The following YAF2 variants were observed in gnomAD, a reference collection of about 807,000 sequenced individuals.
The protein encoded by YAF2 is YY1 associated factor 2.
YAF2 carries 7 observed loss-of-function variants against 20.1 expected under a neutral mutation model. That is an observed-to-expected ratio of 0.35 (90% CI 0.20 to 0.65). The LOEUF is 0.65. Ranked by LOEUF, YAF2 falls within the 30% of genes least tolerant of loss-of-function variation. The pLI, the probability that YAF2 is intolerant of heterozygous loss-of-function variation, is 0.69. For missense variants in YAF2, 151 were observed against 219.2 expected, an observed-to-expected ratio of 0.69 and a Z score of 1.96; for synonymous variants, 74 against 76.0, an observed-to-expected ratio of 0.97 and a Z score of 0.14.
intron 2 of YAF2, among the ~76,000 whole-genome samples, chr12:42,186,901 A>C (rs917867944): frequency 1.3e-5 from 2 of 152,130 alleles, no homozygotes; most frequent in African/African-American, 4.8e-5. Flanking sequence ...AATATTCAGA[A>C]TTATCTGAGC....
At chr12:42,231,119 T>G (rs2067971827) in intron 2 of YAF2, 1 of 152,156 alleles carries the variant, frequency 6.6e-6, no homozygotes, top group African/African-American at 2.4e-5. Context: ...TTGTTTTTTG[T>G]TTTTCTTAAT....
intron 2 of YAF2, among the ~76,000 whole-genome samples, chr12:42,196,806 G>A (rs1295534123): frequency 6.6e-6 from 1 of 152,114 alleles, no homozygotes; most frequent in Non-Finnish European, 1.5e-5. Flanking sequence ...CATGGTGCAG[G>A]CTAACATTGA....
intron 2 of YAF2, among the ~76,000 whole-genome samples, chr12:42,170,622 C>A (rs969382356): frequency 1.3e-5 from 2 of 152,058 alleles, no homozygotes; most frequent in African/African-American, 4.8e-5. Flanking sequence ...CCTGCCTGGG[C>A]AATATGGTGA....
chr12:42,206,556 C>T (rs1457723150), intron 2 of YAF2, among the ~76,000 whole-genome samples: 1 of 151,456 alleles, frequency 6.6e-6, no homozygotes, highest in Non-Finnish European at 1.5e-5. Flanking sequence ...TTGAAGTGAG[C>T]CGAGATAGCG....
At chr12:42,219,188 A>T (rs1213667913) in intron 2 of YAF2, among the ~76,000 whole-genome samples, 2 of 152,246 alleles carry the variant, frequency 1.3e-5, no homozygotes, top group Non-Finnish European at 2.9e-5. Context: ...GCTTGCTCCC[A>T]CTGAGCCAAT....
intron 2 of YAF2, among the ~76,000 whole-genome samples, chr12:42,208,480 C>G (rs1285861103): frequency 2.0e-5 from 3 of 151,856 alleles, no homozygotes; most frequent in African/African-American, 7.3e-5. Flanking sequence ...TTAAAAATAG[C>G]AATACAACCT....
chr12:42,162,423 GGCTTC>G (rs2136950805), intron 2 of YAF2, among the ~76,000 whole-genome samples: 1 of 152,226 alleles, frequency 6.6e-6, no homozygotes, highest in Non-Finnish European at 1.5e-5. Flanking sequence ...AATGTTGCCT[GGCTTC>G]AACATCTGAT....
chr12:42,217,965 G>A (rs563312463), intron 2 of YAF2, among the ~76,000 whole-genome samples: 2 of 152,032 alleles, frequency 1.3e-5, no homozygotes, highest in Non-Finnish European at 2.9e-5. Flanking sequence ...TGGCACAGTG[G>A]CCTAAAAAAG....
chr12:42,171,891 G>A (rs2066059909), intron 2 of YAF2, among the ~76,000 whole-genome samples: 1 of 152,160 alleles, frequency 6.6e-6, no homozygotes, highest in Non-Finnish European at 1.5e-5. Flanking sequence ...CTGAACCTGG[G>A]AGGTTGAGGC....
intron 2 of YAF2, among the ~76,000 whole-genome samples, chr12:42,217,326 C>A (rs1565644871): frequency 6.6e-6 from 1 of 152,118 alleles, no homozygotes. Context: ...TACACTTTTA[C>A]TCTGATAATA....
intron 2 of YAF2, among the ~76,000 whole-genome samples, chr12:42,175,330 G>A (rs1354798236): frequency 6.6e-6 from 1 of 152,102 alleles, no homozygotes; most frequent in Non-Finnish European, 1.5e-5. Context: ...ACAGAAAGCA[G>A]ATCAGTAGTT....
chr12:42,227,588 A>G (rs1288428660), intron 2 of YAF2, among the ~76,000 whole-genome samples: 3 of 146,708 alleles, frequency 2.0e-5, no homozygotes, highest in African/African-American at 7.7e-5. Flanking sequence ...AGAAGTGAGG[A>G]GACCCTCTGC....
rs147301868 is a variant in YAF2, at chr12:42,186,243, C to T, written c.153-24478G>A. Among the ~76,000 whole-genome samples the T allele has an allele frequency of 4.0e-5, 6 of 150,246 alleles. No homozygotes were observed. The South Asian group carries it at 8.5e-4, about 21-fold the overall frequency. On this transcript the variant is annotated intron_variant, in intron 2 of 3. Coordinates refer to ENST00000534854, the MANE Select transcript of YAF2 (RefSeq NM_005748.6). ...GCTTGGTGGCTCAGGCCTGTAATCCCAGAACTTTGGGAGGCAGAGGCAGGA... is the reference window on the plus strand; with the variant it reads ...GCTTGGTGGCTCAGGCCTGTAATCCTAGAACTTTGGGAGGCAGAGGCAGGA...
At chr12:42,162,022 G>A (rs1257000954) in intron 2 of YAF2, among the ~76,000 whole-genome samples, 1 of 151,964 alleles carries the variant, frequency 6.6e-6, no homozygotes, top group East Asian at 1.9e-4. Context: ...ATACTGTTAC[G>A]TAAATCAACA....
intron 2 of YAF2, among the ~76,000 whole-genome samples, chr12:42,226,233 T>C (rs9325211): frequency 0.27 from 41,072 of 152,116 alleles, 5,988 homozygotes; most frequent in African/African-American, 0.35. Context: ...AGCTATATTA[T>C]ATCATATAAA....
chr12:42,214,531 C>T (rs1277147996), intron 2 of YAF2, among the ~76,000 whole-genome samples: 3 of 152,032 alleles, frequency 2.0e-5, no homozygotes, highest in African/African-American at 7.2e-5. Context: ...CTCAGCCTCC[C>T]AAAGTGCTGG....
At chr12:42,189,490 C>T (rs1259496393) in intron 2 of YAF2, among the ~76,000 whole-genome samples, 3 of 152,140 alleles carry the variant, frequency 2.0e-5, no homozygotes, top group African/African-American at 7.2e-5. Flanking sequence ...GCATCAGGGA[C>T]AGACTGGGAG....
At chr12:42,174,395 C>G (rs939434951) in intron 2 of YAF2, among the ~76,000 whole-genome samples, 1 of 152,166 alleles carries the variant, frequency 6.6e-6, no homozygotes, top group African/African-American at 2.4e-5. Context: ...TTTCACTCAG[C>G]CTCTAGGACA....
chr12:42,235,387 T>C (rs1210464401), intron 2 of YAF2: 27 of 1,021,700 alleles, frequency 2.6e-5, no homozygotes, highest in Non-Finnish European at 3.1e-5. Context: ...AGAGGAAAAA[T>C]ATTAATATTC....
Sources: allele counts gnomAD v4.1 joint callset (sites outside exome capture counted in the v4.1 genomes callset), GRCh38; gene constraint gnomAD v4.1.1; transcripts MANE v1.5; gene names NCBI Gene and HGNC (gene_info 2026-07-23, HGNC 2026-07-21).